PLCB1: variants seen among roughly 807,000 people sequenced by gnomAD.
PLCB1 encodes 1-phosphatidylinositol 4,5-bisphosphate phosphodiesterase beta-1.
In PLCB1, 46 loss-of-function variants were observed where a neutral mutation model predicts 161.8. The ratio of observed to expected loss-of-function variants is 0.28; its 90% CI spans 0.22 to 0.36. The LOEUF is 0.36. Ranked by LOEUF, PLCB1 falls within the 10% of genes least tolerant of loss-of-function variation. The probability of loss-of-function intolerance (pLI) is 1.00; values close to 1 mark genes in which losing one functional copy is unlikely to be tolerated. For missense variants in PLCB1, 1,016 were observed against 1,472.5 expected, an observed-to-expected ratio of 0.69 and a Z score of 5.07; for synonymous variants, 517 against 503.7, an observed-to-expected ratio of 1.03 and a Z score of -0.35.
chr20:8,765,036 C>T (rs1982243157), intron 25 of PLCB1, 103 bp from the exon 26 acceptor site: 3 of 865,794 alleles, frequency 3.5e-6, no homozygotes, highest in Non-Finnish European at 5.4e-6. Flanking sequence ...TAAACTCTAG[C>T]TGGGCAAGAT....
At chr20:8,591,517 A>G (rs1214790419) in intron 3 of PLCB1, among the ~76,000 whole-genome samples, 2 of 152,182 alleles carry the variant, frequency 1.3e-5, no homozygotes, top group African/African-American at 4.8e-5. Flanking sequence ...CTGACTTCCT[A>G]TGGTACAATT....
intron 2 of PLCB1, among the ~76,000 whole-genome samples, chr20:8,353,122 G>T (rs1413169274): frequency 6.6e-6 from 1 of 152,010 alleles, no homozygotes; most frequent in Non-Finnish European, 1.5e-5. Flanking sequence ...TCTAGAGCTG[G>T]GGAAGGGAAT....
rs1984523266 is a variant in PLCB1, at chr20:8,313,929, G to A, written c.178-57453G>A. Among the ~76,000 whole-genome samples the A allele has an allele frequency of 1.3e-5, 2 of 152,106 alleles. 1 individual carries two copies. Among genetic ancestry groups the A allele is most frequent in the African/African-American group, 4.8e-5 (2 of 41,424 alleles). ...TGATTATTTTTATCTGTATAACAAT[G>A]TCTTGTTGCTTCAATGTAGTCTAAG... is the stretch of plus-strand genomic sequence containing the variant. On this transcript the variant is annotated intron_variant, in intron 2 of 31. Coordinates refer to ENST00000338037, the MANE Select transcript of PLCB1 (RefSeq NM_015192.4).
intron 3 of PLCB1, among the ~76,000 whole-genome samples, chr20:8,502,754 A>G (rs1172358144): frequency 6.6e-6 from 1 of 152,194 alleles, no homozygotes; most frequent in Non-Finnish European, 1.5e-5. Flanking sequence ...ATTTGCTGGC[A>G]GAATAGTTGT....
chr20:8,721,755 A>G (rs1258321642), intron 14 of PLCB1, among the ~76,000 whole-genome samples: 1 of 152,168 alleles, frequency 6.6e-6, no homozygotes, highest in Non-Finnish European at 1.5e-5. Flanking sequence ...TTGGCCCTTC[A>G]CGATTTTTAT....
chr20:8,718,235 G>A (rs978100598), intron 14 of PLCB1, among the ~76,000 whole-genome samples: 1 of 151,932 alleles, frequency 6.6e-6, no homozygotes, highest in Admixed American at 6.6e-5. Context: ...AAAAGAATTT[G>A]CTGCTCTGAA....
intron 3 of PLCB1, among the ~76,000 whole-genome samples, chr20:8,485,274 T>C (rs1271860162): frequency 6.6e-6 from 1 of 152,224 alleles, no homozygotes; most frequent in Non-Finnish European, 1.5e-5. Context: ...AAAACTCATT[T>C]GTCTCCATTG....
chr20:8,426,591 G>A (rs1249344809), intron 3 of PLCB1, among the ~76,000 whole-genome samples: 1 of 152,180 alleles, frequency 6.6e-6, no homozygotes, highest in Non-Finnish European at 1.5e-5. Context: ...AGATATGTAG[G>A]ATGAGCAAGT....
In PLCB1 at chr20:8,312,060, G is replaced by A. The variant is rs150810209; in HGVS notation, c.178-59322G>A. Among the ~76,000 whole-genome samples, 1,169 of 152,190 alleles carry A rather than the reference G, an allele frequency of 7.7e-3. 3 individuals carry two copies. Among genetic ancestry groups the A allele is most frequent in the Non-Finnish European group, 0.011 (757 of 68,008 alleles). On this transcript the variant is annotated intron_variant, in intron 2 of 31. Coordinates refer to ENST00000338037, the MANE Select transcript of PLCB1 (RefSeq NM_015192.4). ...CGGTGAGTTGCAGATGATATTATAGGTGGCCTATCCAGATCCATGTCACCT... is the reference window on the plus strand; with the variant it reads ...CGGTGAGTTGCAGATGATATTATAGATGGCCTATCCAGATCCATGTCACCT...
chr20:8,392,455 G>T (rs2122437582), intron 3 of PLCB1, among the ~76,000 whole-genome samples: 1 of 152,212 alleles, frequency 6.6e-6, no homozygotes, highest in Non-Finnish European at 1.5e-5. Flanking sequence ...CATAGACTAA[G>T]ATACTAGTTT....
At chr20:8,818,478 G>A (rs1057450481) in intron 31 of PLCB1, among the ~76,000 whole-genome samples, 2 of 152,048 alleles carry the variant, frequency 1.3e-5, no homozygotes, top group Non-Finnish European at 2.9e-5. Flanking sequence ...AAGATACAAT[G>A]TTCAGATATT....
At chr20:8,246,769 G>A (rs1314572211) in intron 2 of PLCB1, among the ~76,000 whole-genome samples, 3 of 151,686 alleles carry the variant, frequency 2.0e-5, no homozygotes, top group African/African-American at 7.3e-5. Context: ...CTTGTACATA[G>A]TTTTTATCTT....
intron 3 of PLCB1, among the ~76,000 whole-genome samples, chr20:8,572,604 A>G (rs1277259969): frequency 2.0e-5 from 3 of 152,178 alleles, no homozygotes; most frequent in African/African-American, 7.2e-5. Flanking sequence ...GAGCATTGCA[A>G]ATTCAATATG....
chr20:8,722,841 A>T (rs1395586641), intron 15 of PLCB1, among the ~76,000 whole-genome samples: 4 of 152,118 alleles, frequency 2.6e-5, no homozygotes, highest in Non-Finnish European at 4.4e-5. Context: ...CACGCCTTTA[A>T]AAAAACAAGT....
chr20:8,327,895 TATA>T (rs1985220374), intron 2 of PLCB1, among the ~76,000 whole-genome samples: 1 of 136,898 alleles, frequency 7.3e-6, no homozygotes, highest in Non-Finnish European at 1.5e-5. Context: ...TATGTATAGT[TATA>T]TATATATATA....
At chr20:8,156,014 C>G (rs1488685026) in intron 2 of PLCB1, among the ~76,000 whole-genome samples, 1 of 152,130 alleles carries the variant, frequency 6.6e-6, no homozygotes, top group Admixed American at 6.6e-5. Context: ...ATTTCCTTCA[C>G]CAGTATTGAT....
intron 3 of PLCB1, among the ~76,000 whole-genome samples, chr20:8,425,133 T>G (rs6055805): frequency 0.054 from 8,019 of 149,500 alleles, 647 homozygotes; most frequent in African/African-American, 0.18. Flanking sequence ...CTGAGGTGTT[T>G]TTTTTTTTTT....
At chr20:8,231,484 T>C (rs941890814) in intron 2 of PLCB1, among the ~76,000 whole-genome samples, 3 of 152,138 alleles carry the variant, frequency 2.0e-5, no homozygotes, top group Non-Finnish European at 2.9e-5. Flanking sequence ...CCTCTTGAGG[T>C]CTGTGAGACA....
At chr20:8,171,738 T>C (rs1216485692) in intron 2 of PLCB1, among the ~76,000 whole-genome samples, 2 of 152,168 alleles carry the variant, frequency 1.3e-5, no homozygotes, top group African/African-American at 4.8e-5. Flanking sequence ...ATGAAACGTG[T>C]GTGCATAGCC....
Sources: gnomAD v4.1 joint callset for allele counts (sites outside exome capture counted in the v4.1 genomes callset) on GRCh38, gnomAD v4.1.1 for gene constraint, MANE v1.5 for transcripts, NCBI Gene and HGNC (gene_info 2026-07-23, HGNC 2026-07-21) for gene names.